GALNT13: variants seen among roughly 807,000 people sequenced by gnomAD.
GALNT13 encodes the protein polypeptide N-acetylgalactosaminyltransferase 13.
GALNT13 carries 28 observed loss-of-function variants against 64.2 expected under a neutral mutation model. The ratio of observed to expected loss-of-function variants is 0.44; its 90% CI spans 0.32 to 0.60. The LOEUF (loss-of-function observed/expected upper bound fraction) is 0.60, where lower values mean the gene tolerates loss of function less well. Ranked by LOEUF, GALNT13 falls within the 20% of genes least tolerant of loss-of-function variation. The pLI is 0.05. For missense variants in GALNT13, 577 were observed against 669.8 expected (o/e 0.86, Z 1.53); for synonymous variants, 214 against 224.6 (o/e 0.95, Z 0.42).
At chr2:153,835,438 A>G in the GALNT13 span, among the ~76,000 whole-genome samples, 1 of 152,040 alleles carries the variant, frequency 6.6e-6, no homozygotes, top group African/African-American at 2.4e-5. Flanking sequence ...ATTTGGTACC[A>G]GTGATAGTTT....
intron 4 of GALNT13, among the ~76,000 whole-genome samples, chr2:154,217,136 G>T (rs745948412): frequency 6.6e-6 from 1 of 151,766 alleles, no homozygotes; most frequent in African/African-American, 2.4e-5. Context: ...CTTACAAAAA[G>T]ACTTTTATAT....
the GALNT13 span, among the ~76,000 whole-genome samples, chr2:153,634,164 A>T: frequency 6.6e-6 from 1 of 152,330 alleles, no homozygotes; most frequent in African/African-American, 2.4e-5. Context: ...ATTATTTAGT[A>T]AATGAGTCAC....
intron 3 of GALNT13, among the ~76,000 whole-genome samples, chr2:154,038,775 C>T (rs906438444): frequency 1.3e-5 from 2 of 151,972 alleles, no homozygotes; most frequent in Non-Finnish European, 2.9e-5. Flanking sequence ...ACATTATAAG[C>T]TAAAAACCTT....
chr2:153,128,908 A>G, the GALNT13 span, among the ~76,000 whole-genome samples: 1 of 152,062 alleles, frequency 6.6e-6, no homozygotes, highest in Non-Finnish European at 1.5e-5. Context: ...ACTCACTATC[A>G]TGAGAACAGC....
chr2:154,048,377 G>A (rs1699397691), intron 3 of GALNT13, among the ~76,000 whole-genome samples: 1 of 152,040 alleles, frequency 6.6e-6, no homozygotes, highest in South Asian at 2.1e-4. Flanking sequence ...ATGTACTCTG[G>A]GGGTAAAACT....
At chr2:153,886,341 T>A (rs555894160) in intron 1 of GALNT13, among the ~76,000 whole-genome samples, 6 of 151,858 alleles carry the variant, frequency 4.0e-5, no homozygotes, top group Admixed American at 6.6e-5. Flanking sequence ...TAGGTATATC[T>A]CCTAATGCTA....
At chr2:153,549,234 C>T in the GALNT13 span, among the ~76,000 whole-genome samples, 1 of 152,100 alleles carries the variant, frequency 6.6e-6, no homozygotes, top group African/African-American at 2.4e-5. Flanking sequence ...GAACTGCACA[C>T]GTTAAAATGG....
At chr2:153,770,112 G>A in the GALNT13 span, among the ~76,000 whole-genome samples, 1 of 152,126 alleles carries the variant, frequency 6.6e-6, no homozygotes, top group Non-Finnish European at 1.5e-5. Flanking sequence ...TTAATGTAGT[G>A]CCTTGAAGGC....
the GALNT13 span, among the ~76,000 whole-genome samples, chr2:153,776,164 T>C: frequency 6.6e-6 from 1 of 152,152 alleles, no homozygotes; most frequent in Non-Finnish European, 1.5e-5. Flanking sequence ...TAGAAATAAA[T>C]CAAAAAACAA....
At chr2:153,479,821 G>T in the GALNT13 span, among the ~76,000 whole-genome samples, 3 of 152,114 alleles carry the variant, frequency 2.0e-5, no homozygotes, top group African/African-American at 7.2e-5. Context: ...TTTGCTCTAG[G>T]TTCCAACGAA....
intron 9 of GALNT13, among the ~76,000 whole-genome samples, chr2:154,381,075 A>G (rs1211503532): frequency 1.3e-5 from 2 of 152,082 alleles, no homozygotes; most frequent in African/African-American, 2.4e-5. Flanking sequence ...TATTTTCTGG[A>G]TTAGAAGCAA....
chr2:153,084,369 G>A, the GALNT13 span, among the ~76,000 whole-genome samples: 1 of 152,198 alleles, frequency 6.6e-6, no homozygotes, highest in African/African-American at 2.4e-5. Context: ...TCATCCATGA[G>A]TATGGAATGT....
chr2:154,002,540 GGTT>G (rs1695981958), intron 3 of GALNT13, among the ~76,000 whole-genome samples: 1 of 151,588 alleles, frequency 6.6e-6, no homozygotes, highest in Non-Finnish European at 1.5e-5. Context: ...TTTATTCCTA[GGTT>G]GTTTTTCTTA....
At chr2:153,572,136 ATTCAGGT>A in the GALNT13 span, among the ~76,000 whole-genome samples, 3 of 151,634 alleles carry the variant, frequency 2.0e-5, no homozygotes, top group Admixed American at 2.0e-4. Flanking sequence ...CCATTGGTAT[ATTCAGGT>A]TTCAGAGTTC....
At chr2:153,471,035 G>A in the GALNT13 span, among the ~76,000 whole-genome samples, 7 of 152,220 alleles carry the variant, frequency 4.6e-5, no homozygotes, top group East Asian at 3.9e-4. Flanking sequence ...CCAGCTTTGC[G>A]TATGCTACCT....
At chr2:154,406,312 C>T (rs554794175) in intron 10 of GALNT13, among the ~76,000 whole-genome samples, 1 of 152,252 alleles carries the variant, frequency 6.6e-6, no homozygotes, top group Admixed American at 6.5e-5. Flanking sequence ...GGCCTTCTTC[C>T]TTGTTTCTCT....
intron 3 of GALNT13, among the ~76,000 whole-genome samples, chr2:154,076,830 C>G (rs991689228): frequency 4.2e-4 from 63 of 151,568 alleles, no homozygotes; most frequent in African/African-American, 1.4e-3. Flanking sequence ...CAAGGAAACA[C>G]TTATTATAGA....
intron 2 of GALNT13, among the ~76,000 whole-genome samples, chr2:153,912,666 T>C (rs909143749): frequency 2.0e-5 from 3 of 152,130 alleles, no homozygotes; most frequent in Non-Finnish European, 2.9e-5. Context: ...TTCTGCAAGA[T>C]TTTAGGGAGT....
chr2:154,296,788 A>G (rs1470098098), intron 8 of GALNT13, among the ~76,000 whole-genome samples: 1 of 151,812 alleles, frequency 6.6e-6, no homozygotes, highest in Non-Finnish European at 1.5e-5. Context: ...TTTTGTTATT[A>G]TACTTTAAGT....
Sources: allele counts gnomAD v4.1 joint callset (sites outside exome capture counted in the v4.1 genomes callset), GRCh38; gene constraint gnomAD v4.1.1; transcripts MANE v1.5; gene names NCBI Gene and HGNC (gene_info 2026-07-23, HGNC 2026-07-21).